The following MAGI2 variants were observed in gnomAD, a reference collection of about 807,000 sequenced individuals.
MAGI2 encodes the protein membrane-associated guanylate kinase, WW and PDZ domain-containing protein 2.
In MAGI2, 35 loss-of-function variants were observed where a neutral mutation model predicts 133.3. That is an observed-to-expected ratio of 0.26 (90% CI 0.20 to 0.35). MAGI2 has a LOEUF of 0.35. Among genes scored for constraint, MAGI2 ranks in the 10% least tolerant of loss-of-function variants. The pLI is 1.00. For synonymous variants in MAGI2, 729 were observed against 710.6 expected, an observed-to-expected ratio of 1.03 and a Z score of -0.41; for missense variants, 1,636 against 1,863.4, an observed-to-expected ratio of 0.88 and a Z score of 2.25.
rs1239546864 is a variant in MAGI2 at position 79,324,649 on chromosome 7, T to C, written c.301+128371A>G. On this transcript the variant is annotated intron_variant, in intron 1 of 21. Coordinates refer to ENST00000354212, the MANE Select transcript of MAGI2 (RefSeq NM_012301.4). ...ATATATTATATATATATAAAATATATATATATTATATATATATAAAATATA... is the reference window on the plus strand; with the variant it reads ...ATATATTATATATATATAAAATATACATATATTATATATATATAAAATATA... 1.4e-3 allele frequency among the ~76,000 whole-genome samples: 23 copies of C among 16,344 alleles called. 3 individuals carry two copies. Among genetic ancestry groups the C allele is most frequent in the African/African-American group, 5.2e-3 (23 of 4,428 alleles). 10.7% of individuals were successfully genotyped at this position (16,344 alleles called of 152,430 possible). A position where few individuals can be genotyped will look rare whatever the true frequency, so the allele number is the denominator to read the frequency against.
chr7:78,173,835 A>T (rs971374178), intron 14 of MAGI2, among the ~76,000 whole-genome samples: 21 of 152,330 alleles, frequency 1.4e-4, no homozygotes, highest in Admixed American at 1.1e-3. Flanking sequence ...AGCCAGGCTC[A>T]GTCTAAAAGG....
intron 2 of MAGI2, among the ~76,000 whole-genome samples, chr7:78,646,215 A>T (rs1366116471): frequency 1.3e-5 from 2 of 152,174 alleles, no homozygotes; most frequent in African/African-American, 4.8e-5. Flanking sequence ...CTGGGCAAAG[A>T]TAGAAAAATA....
At chr7:78,748,817 C>T (rs371598878) in intron 2 of MAGI2, among the ~76,000 whole-genome samples, 16 of 152,136 alleles carry the variant, frequency 1.1e-4, no homozygotes, top group South Asian at 2.1e-4. Context: ...GGATTTTCCC[C>T]GAAAATAATC....
intron 7 of MAGI2, chr7:78,350,402 T>C (rs1369111049): frequency 6.6e-6 from 1 of 152,176 alleles, no homozygotes; most frequent in Non-Finnish European, 1.5e-5. Flanking sequence ...CAGAATGAGA[T>C]CCACAGGCAT....
intron 18 of MAGI2, among the ~76,000 whole-genome samples, chr7:78,130,776 G>C (rs1454044851): frequency 6.6e-6 from 1 of 152,240 alleles, no homozygotes; most frequent in Non-Finnish European, 1.5e-5. Flanking sequence ...GGGCAAATAT[G>C]TTGGTGACTT....
At chr7:78,361,928 C>T (rs1792859919) in intron 7 of MAGI2, among the ~76,000 whole-genome samples, 1 of 152,158 alleles carries the variant, frequency 6.6e-6, no homozygotes, top group Non-Finnish European at 1.5e-5. Context: ...GAAGCACCTC[C>T]AGATCTTGCC....
In MAGI2 at chr7:79,333,358, C is replaced by A. The variant is rs192178952; in HGVS notation, c.301+119662G>T. The stretch of plus-strand genomic sequence containing the variant: ...GGCCAGGTTGGTCTCAAACTCCTGA[C>A]CTCTTGATCCGCCTGCTTCAGCCTC... On this transcript the variant is annotated intron_variant, in intron 1 of 21. Transcript: ENST00000354212. Among the ~76,000 whole-genome samples the A allele has an allele frequency of 3.9e-4, 60 of 152,206 alleles. No individual in the cohort carries two copies. In the East Asian group the frequency reaches 0.011, roughly 28 times the overall value.
chr7:79,218,571 T>A (rs926960334), intron 1 of MAGI2, among the ~76,000 whole-genome samples: 1 of 152,004 alleles, frequency 6.6e-6, no homozygotes, highest in Non-Finnish European at 1.5e-5. Flanking sequence ...TTGCACAGAG[T>A]GAAGGCTTCA....
At chr7:79,058,683 T>C (rs569759659) in intron 1 of MAGI2, among the ~76,000 whole-genome samples, 3 of 151,904 alleles carry the variant, frequency 2.0e-5, no homozygotes, top group East Asian at 1.9e-4. Flanking sequence ...GCATAGGAGG[T>C]AGGAGAATAA....
chr7:78,826,550 G>A (rs1231181526), intron 2 of MAGI2, among the ~76,000 whole-genome samples: 1 of 152,022 alleles, frequency 6.6e-6, no homozygotes, highest in African/African-American at 2.4e-5. Flanking sequence ...TTTTGTAGTG[G>A]TGAAACTATT....
At chr7:78,858,377 T>C (rs563990705) in intron 2 of MAGI2, among the ~76,000 whole-genome samples, 1 of 152,366 alleles carries the variant, frequency 6.6e-6, no homozygotes, top group African/African-American at 2.4e-5. Flanking sequence ...CTGCTTTCTC[T>C]TGTGGGCATT....
In MAGI2 at chr7:79,448,193, AG is replaced by A. The variant is rs1186811393; in HGVS notation, c.301+4826del. Among the ~76,000 whole-genome samples the A allele has an allele frequency of 2.0e-5, 3 of 152,158 alleles. No homozygotes were observed. In the East Asian group the frequency reaches 5.8e-4, roughly 29 times the overall value. On this transcript the variant is annotated intron_variant, in intron 1 of 21. Transcript: ENST00000354212. ...ATAGCAGATGTTTACACATAAAGGGAGGATCAGTGGAAGTTATTTTTAAAAA... is the reference window on the plus strand; with the variant it reads ...ATAGCAGATGTTTACACATAAAGGGAGATCAGTGGAAGTTATTTTTAAAAA...
chr7:79,060,876 A>G (rs1813663227), intron 1 of MAGI2, among the ~76,000 whole-genome samples: 1 of 152,130 alleles, frequency 6.6e-6, no homozygotes, highest in Admixed American at 6.6e-5. Context: ...AATTGAATTA[A>G]AGAACAATTA....
intron 1 of MAGI2, among the ~76,000 whole-genome samples, chr7:79,315,324 A>AGTTTTTTT (rs1563107001): frequency 1.2e-5 from 1 of 84,072 alleles, no homozygotes; most frequent in African/African-American, 4.1e-5. Context: ...ATGCCCAGTT[A>AGTTTTTTT]ATTTTTTTTT....
At chr7:78,678,981 A>G (rs1451483914) in intron 2 of MAGI2, among the ~76,000 whole-genome samples, 2 of 152,168 alleles carry the variant, frequency 1.3e-5, no homozygotes, top group East Asian at 1.9e-4. Flanking sequence ...ATCTGACCCA[A>G]TGATATAACT....
In MAGI2 at chr7:78,568,616, C is replaced by T. The variant is rs530612055; in HGVS notation, c.539-46971G>A. Among the ~76,000 whole-genome samples the T allele has an allele frequency of 3.3e-5, 5 of 152,276 alleles. No individual in the cohort carries two copies. In the South Asian group the frequency reaches 1.0e-3, roughly 32 times the overall value. ...AACCTATGACCACTTCTCAGTGGTTCCACAACCAGCTTCTGAACAAGTTAC... is the reference window on the plus strand; with the variant it reads ...AACCTATGACCACTTCTCAGTGGTTTCACAACCAGCTTCTGAACAAGTTAC... On this transcript the variant is annotated intron_variant, in intron 3 of 21. Transcript: ENST00000354212.
At chr7:78,222,845 GA>G (rs764258318) in intron 10 of MAGI2, among the ~76,000 whole-genome samples, 1 of 152,138 alleles carries the variant, frequency 6.6e-6, no homozygotes, top group Non-Finnish European at 1.5e-5. Context: ...CCAGAACATG[GA>G]TATTTCTCAA....
intron 6 of MAGI2, among the ~76,000 whole-genome samples, chr7:78,464,931 G>A (rs1790463138): frequency 6.6e-6 from 1 of 151,896 alleles, no homozygotes; most frequent in Non-Finnish European, 1.5e-5. Context: ...CAACCCTCAG[G>A]AATGAGTTTA....
chr7:79,418,109 C>T (rs1211804021), intron 1 of MAGI2, among the ~76,000 whole-genome samples: 9 of 151,972 alleles, frequency 5.9e-5, no homozygotes, highest in Non-Finnish European at 8.8e-5. Flanking sequence ...TTAATCGTGT[C>T]ATATTTAATT....
Sources: gnomAD v4.1 joint callset for allele counts (sites outside exome capture counted in the v4.1 genomes callset) on GRCh38, gnomAD v4.1.1 for gene constraint, MANE v1.5 for transcripts, NCBI Gene and HGNC (gene_info 2026-07-23, HGNC 2026-07-21) for gene names.